The following DDX42 variants were observed in gnomAD, a reference collection of about 807,000 sequenced individuals.
DDX42 encodes the protein ATP-dependent RNA helicase DDX42.
A neutral mutation model predicts 101.5 loss-of-function variants in DDX42; 22 were observed. The observed-to-expected ratio is 0.22, with a 90% CI of 0.15 to 0.31. The LOEUF is 0.31. DDX42 is among the 10% of genes least tolerant of loss of function. The probability of loss-of-function intolerance (pLI) is 1.00; values close to 1 mark genes in which losing one functional copy is unlikely to be tolerated. For missense variants in DDX42, 849 were observed against 1,199.9 expected (o/e 0.71, Z 4.32); for synonymous variants, 402 against 401.2 (o/e 1.00, Z -0.02).
intron 6 of DDX42, among the ~76,000 whole-genome samples, chr17:63,802,332 T>G (rs1490153116): frequency 6.6e-6 from 1 of 152,230 alleles, no homozygotes; most frequent in Non-Finnish European, 1.5e-5. Context: ...CAAAATATGA[T>G]AGCCATTTCA....
At chr17:63,811,607 C>T (rs75621310) in intron 13 of DDX42, 28 of 466,398 alleles carry the variant, frequency 6.0e-5, no homozygotes, top group East Asian at 5.1e-4. Context: ...TGTACATATG[C>T]GCTATGTGAA....
At chr17:63,800,837 AT>A (rs1252791930) in intron 6 of DDX42, among the ~76,000 whole-genome samples, 1 of 152,062 alleles carries the variant, frequency 6.6e-6, no homozygotes, top group Non-Finnish European at 1.5e-5. Flanking sequence ...GAATTAAAAC[AT>A]TTTTTTCAAG....
At chr17:63,803,439 G>A (rs976811529) in intron 6 of DDX42, among the ~76,000 whole-genome samples, 1 of 151,386 alleles carries the variant, frequency 6.6e-6, no homozygotes, top group East Asian at 2.0e-4. Context: ...TTGGTGGCAG[G>A]CATCAGTAAT....
intron 13 of DDX42, 176 bp downstream of exon 13, chr17:63,811,349 A>C: frequency 4.2e-6 from 2 of 480,120 alleles, no homozygotes; most frequent in Non-Finnish European, 7.4e-6. Context: ...GACTGGCAAA[A>C]TGTTGGGAAT....
At chr17:63,798,742 C>G (rs929405285) in intron 4 of DDX42, among the ~76,000 whole-genome samples, 5 of 152,172 alleles carry the variant, frequency 3.3e-5, no homozygotes, top group African/African-American at 1.2e-4. Context: ...GAATAAACTC[C>G]TAAGGCTTTT....
Position 63,818,333 on chromosome 17 carries a change from A to G in DDX42, c.2752A>G (p.Lys918Glu), listed in dbSNP as rs371657580. Residue 918 changes from lysine to glutamate, a missense_variant, in exon 18 of 18, where the codon AAG becomes GAG. Around this residue, in one of 5 missense-constraint regions of DDX42, gnomAD observed 300 missense variants for 304.9 expected, o/e 0.98. Transcript: ENST00000389924. The stretch of plus-strand genomic sequence containing the variant: ...GGACAAGGTGGACAGCAAGACAGAT[A>G]AGACAGCTGACGGCTTTGCTGTCCC... ...KMDKVDSKTD[K>E]TADGFAVPEP... is the part of the protein sequence containing the mutation. The G allele has an allele frequency of 3.7e-6, 6 of 1,614,032 alleles. No individual in the cohort carries two copies. Among genetic ancestry groups the G allele is most frequent in the Middle Eastern group, 1.6e-4 (1 of 6,084 alleles).
intron 3 of DDX42, among the ~76,000 whole-genome samples, chr17:63,794,555 A>G (rs550564441): frequency 6.6e-6 from 1 of 151,956 alleles, no homozygotes; most frequent in Non-Finnish European, 1.5e-5. Context: ...GCCGTAGCTC[A>G]CACCTATAAC....
chr17:63,807,650 C>A (rs940371467), intron 8 of DDX42, 74 bp from the exon 9 acceptor site: 6 of 1,380,042 alleles, frequency 4.3e-6, no homozygotes. Context: ...AGTCATTTAT[C>A]ATTCCCCAGG....
chr17:63,816,987 T>TA (rs1250604312), intron 17 of DDX42, 21 bp downstream of exon 17: 5 of 1,602,630 alleles, frequency 3.1e-6, no homozygotes, highest in Non-Finnish European at 4.3e-6. Flanking sequence ...AGCATTTCAT[T>TA]AAAAGCACTT....
At chr17:63,817,448 A>G (rs1183312067) in intron 17 of DDX42, 1 of 466,298 alleles carries the variant, frequency 2.1e-6, no homozygotes. Context: ...TAGATGCTTT[A>G]TTCTAGCCAA....
intron 3 of DDX42, among the ~76,000 whole-genome samples, chr17:63,794,542 T>C (rs749726571): frequency 2.0e-5 from 3 of 151,908 alleles, no homozygotes; most frequent in Non-Finnish European, 4.4e-5. Flanking sequence ...CTTTAGACTA[T>C]GTGCCGTAGC....
In DDX42 at chr17:63,813,421, C is replaced by T. The variant is rs768006629; in HGVS notation, c.1869C>T (p.His623=). 1.2e-5 allele frequency: 20 copies of T among 1,614,004 alleles called. No homozygotes were observed. Among genetic ancestry groups the T allele is most frequent in the East Asian group, 4.5e-5 (2 of 44,892 alleles). The part of the protein sequence containing the change: ...LVRNLEGANQ[H]VSKELLDLAM... Reference sequence around the variant, plus strand: ...GGAACTTGGAAGGAGCCAATCAACACGTTTCTAAGGAACTCCTAGATCTGG... The same window carrying T: ...GGAACTTGGAAGGAGCCAATCAACATGTTTCTAAGGAACTCCTAGATCTGG... The change falls in exon 15 of 18, where the codon CAC becomes CAT. Residue 623 remains histidine, a synonymous_variant. Transcript: ENST00000389924.
intron 3 of DDX42, among the ~76,000 whole-genome samples, chr17:63,795,484 C>T (rs2039681935): frequency 6.6e-6 from 1 of 151,950 alleles, no homozygotes; most frequent in Non-Finnish European, 1.5e-5. Context: ...GCTGGAACTA[C>T]AGGTGCACGG....
At chr17:63,813,061 T>C (rs2039932095) in intron 14 of DDX42, among the ~76,000 whole-genome samples, 167 bp from the exon 15 acceptor site, 1 of 152,036 alleles carries the variant, frequency 6.6e-6, no homozygotes, top group Admixed American at 6.6e-5. Flanking sequence ...AGGCCTAACA[T>C]CATAGAATCT....
chr17:63,800,354 C>T, intron 5 of DDX42, 114 bp from the exon 6 acceptor site: 1 of 898,838 alleles, frequency 1.1e-6, no homozygotes, highest in Non-Finnish European at 1.6e-6. Context: ...TCTTGCCTTA[C>T]TTGGTAGGTA....
chr17:63,781,217 C>A (rs191546934), intron 1 of DDX42, among the ~76,000 whole-genome samples: 3 of 152,044 alleles, frequency 2.0e-5, no homozygotes, highest in Non-Finnish European at 4.4e-5. Flanking sequence ...AATTTTAGTT[C>A]TTTTTGTTTT....
rs183189495 is a variant in DDX42, at chr17:63,775,897, A to G, written c.-17+1521A>G. 15 of 152,362 alleles carry G rather than the reference A, an allele frequency of 9.8e-5. No homozygotes were observed. In the East Asian group the frequency reaches 2.7e-3, roughly 27 times the overall value. The allele number at this position is 152,362 out of a possible 1,614,324, so 9.4% of individuals were successfully genotyped here. On this transcript the variant is annotated intron_variant, in intron 1 of 17. Transcript: ENST00000389924. ...AATTTGTTTTGTTACATTGATAGTCATATAATCAGCTCTTAGTTGCTTTAA... is the reference window on the plus strand; with the variant it reads ...AATTTGTTTTGTTACATTGATAGTCGTATAATCAGCTCTTAGTTGCTTTAA...
chr17:63,817,830 A>G lies in DDX42; in HGVS notation c.2249A>G (p.Asn750Ser). ...VPTNSAQQGHNSPDSPVTSAA... is the reference protein window; with the variant it reads ...VPTNSAQQGHSSPDSPVTSAA... ...ACTAACTCAGCACAACAGGGCCATAACAGTCCTGACAGCCCCGTCACCAGT... is the reference window on the plus strand; with the variant it reads ...ACTAACTCAGCACAACAGGGCCATAGCAGTCCTGACAGCCCCGTCACCAGT... The change falls in exon 18 of 18, where the codon AAC becomes AGC. Residue 750 changes from asparagine to serine, a missense_variant. By Grantham distance (46) the Asn-to-Ser change is conservative (BLOSUM62 1). Transcript: ENST00000389924. 1 of 1,614,150 alleles carries G rather than the reference A, an allele frequency of 6.2e-7. No homozygotes were observed. The highest frequency in any genetic ancestry group is 8.5e-7 in the Non-Finnish European group (1 of 1,180,022).
At chr17:63,797,039 T>C (rs939821647) in intron 3 of DDX42, among the ~76,000 whole-genome samples, 3 of 152,180 alleles carry the variant, frequency 2.0e-5, no homozygotes, top group Non-Finnish European at 4.4e-5. Context: ...CTTCTGACCT[T>C]GATTTTCAAA....
Sources: allele counts gnomAD v4.1 joint callset (sites outside exome capture counted in the v4.1 genomes callset), GRCh38; gene constraint gnomAD v4.1.1; regional missense constraint gnomAD v4.1.1; transcripts MANE v1.5; gene names NCBI Gene and HGNC (gene_info 2026-07-23, HGNC 2026-07-21).